Variants in TAFA1 observed in about 807,000 individuals in gnomAD.
The protein encoded by TAFA1 is TAFA chemokine like family member 1.
TAFA1 carries 4 observed loss-of-function variants against 18.5 expected under a neutral mutation model. The ratio of observed to expected loss-of-function variants is 0.22; its 90% CI spans 0.11 to 0.49. TAFA1 has a LOEUF of 0.49. Ranked by LOEUF, TAFA1 falls within the 20% of genes least tolerant of loss-of-function variation. The pLI is 0.98. For synonymous variants in TAFA1, 56 were observed against 55.2 expected (o/e 1.01, Z -0.06); for missense variants, 147 against 169.0 (o/e 0.87, Z 0.72).
intron 2 of TAFA1, among the ~76,000 whole-genome samples, chr3:68,120,164 T>C (rs1286435086): frequency 1.4e-5 from 2 of 139,024 alleles, no homozygotes; most frequent in African/African-American, 3.3e-5. Context: ...TTTCTTTCTC[T>C]TTCTTTCTCT....
chr3:68,262,547 T>C (rs1034016667), intron 2 of TAFA1, among the ~76,000 whole-genome samples: 1 of 151,822 alleles, frequency 6.6e-6, no homozygotes, highest in African/African-American at 2.4e-5. Context: ...GGTATTCTGT[T>C]CCTGGGTTAA....
intron 2 of TAFA1, among the ~76,000 whole-genome samples, chr3:68,408,211 A>C (rs2070649300): frequency 1.3e-5 from 2 of 152,216 alleles, no homozygotes; most frequent in Non-Finnish European, 2.9e-5. Context: ...TGTCCATCTT[A>C]ACTTTCTTTA....
At chr3:68,492,917 G>T (rs923196245) in intron 3 of TAFA1, among the ~76,000 whole-genome samples, 1 of 152,068 alleles carries the variant, frequency 6.6e-6, no homozygotes, top group Admixed American at 6.6e-5. Flanking sequence ...CAGATTTCTT[G>T]GCTCCATCCA....
At chr3:68,443,473 CAAAAAAAAAAAAAAAA>C (rs56944130) in intron 3 of TAFA1, among the ~76,000 whole-genome samples, 1 of 96,102 alleles carries the variant, frequency 1.0e-5, no homozygotes, top group Non-Finnish European at 2.2e-5. Flanking sequence ...GGGCAATTTA[CAAAAAAAAAAAAAAAA>C]AAAAAAACAA....
intron 2 of TAFA1, among the ~76,000 whole-genome samples, chr3:68,038,460 G>A (rs910451619): frequency 6.6e-6 from 1 of 152,122 alleles, no homozygotes; most frequent in African/African-American, 2.4e-5. Flanking sequence ...TGGACAGTAA[G>A]CTGTCTGAGG....
At chr3:68,264,317 G>A (rs994302152) in intron 2 of TAFA1, among the ~76,000 whole-genome samples, 1 of 152,126 alleles carries the variant, frequency 6.6e-6, no homozygotes, top group Non-Finnish European at 1.5e-5. Flanking sequence ...AATAGTTCAG[G>A]TCGTTTGTGG....
At chr3:68,149,494 C>T (rs2065780422) in intron 2 of TAFA1, among the ~76,000 whole-genome samples, 1 of 152,170 alleles carries the variant, frequency 6.6e-6, no homozygotes, top group Non-Finnish European at 1.5e-5. Context: ...GGAGCTTCCA[C>T]TCATGGCTGA....
chr3:68,335,844 G>A (rs535317183), intron 2 of TAFA1, among the ~76,000 whole-genome samples: 34 of 152,260 alleles, frequency 2.2e-4, no homozygotes, highest in African/African-American at 7.2e-4. Flanking sequence ...TATTACTGGT[G>A]ACATAGAAGA....
intron 2 of TAFA1, among the ~76,000 whole-genome samples, chr3:68,260,142 C>T (rs1474292464): frequency 6.6e-6 from 1 of 152,018 alleles, no homozygotes; most frequent in Non-Finnish European, 1.5e-5. Context: ...GAGTTTTTAG[C>T]ATGAAGCGTT....
chr3:68,232,526 G>A (rs755418162), intron 2 of TAFA1, among the ~76,000 whole-genome samples: 1 of 152,206 alleles, frequency 6.6e-6, no homozygotes, highest in South Asian at 2.1e-4. Context: ...TGGGGGTGCA[G>A]ATATTCAGTA....
chr3:68,085,299 GA>G (rs2064957568), intron 2 of TAFA1, among the ~76,000 whole-genome samples: 1 of 152,130 alleles, frequency 6.6e-6, no homozygotes, highest in African/African-American at 2.4e-5. Flanking sequence ...TCTCCAACAG[GA>G]CTTATCAAGG....
rs1473178161 is a variant in TAFA1, at chr3:68,305,097, G to T, written c.119-112183G>T. On this transcript the variant is annotated intron_variant, in intron 2 of 4. Coordinates refer to ENST00000478136, the MANE Select transcript of TAFA1 (RefSeq NM_213609.4). ...TAGAAGCTGGAAGTCTAAAATCAATGTGTCTGCAGTGTCTCTGGGTAGCAT... is the reference window on the plus strand; with the variant it reads ...TAGAAGCTGGAAGTCTAAAATCAATTTGTCTGCAGTGTCTCTGGGTAGCAT... Among the ~76,000 whole-genome samples, 4 of 151,982 alleles carry T rather than the reference G, an allele frequency of 2.6e-5. No homozygotes were observed. The East Asian group carries it at 7.7e-4, about 29-fold the overall frequency.
chr3:68,241,856 G>A (rs887448571), intron 2 of TAFA1, among the ~76,000 whole-genome samples: 14 of 152,164 alleles, frequency 9.2e-5, no homozygotes, highest in Non-Finnish European at 1.9e-4. Context: ...AAAGCCAAAA[G>A]CAGGACTAAC....
chr3:68,521,162 A>G (rs1473846225), intron 3 of TAFA1, among the ~76,000 whole-genome samples: 1 of 152,250 alleles, frequency 6.6e-6, no homozygotes, highest in Non-Finnish European at 1.5e-5. Context: ...CTGTGTAAGT[A>G]GGTGACTTAA....
At chr3:68,436,217 A>G (rs1430983503) in intron 3 of TAFA1, among the ~76,000 whole-genome samples, 1 of 152,210 alleles carries the variant, frequency 6.6e-6, no homozygotes, top group Non-Finnish European at 1.5e-5. Context: ...TCACAACCAG[A>G]TAAAGTGTAA....
At chr3:68,126,683 A>T (rs2065468733) in intron 2 of TAFA1, among the ~76,000 whole-genome samples, 1 of 152,258 alleles carries the variant, frequency 6.6e-6, no homozygotes, top group Admixed American at 6.5e-5. Flanking sequence ...AAAGATGCAC[A>T]GTTAACATTA....
At chr3:68,094,634 C>T (rs894740376) in intron 2 of TAFA1, among the ~76,000 whole-genome samples, 1 of 152,136 alleles carries the variant, frequency 6.6e-6, no homozygotes, top group Non-Finnish European at 1.5e-5. Context: ...AGCCAGTTCT[C>T]ATGGAAGGAT....
intron 2 of TAFA1, among the ~76,000 whole-genome samples, chr3:68,327,665 G>A (rs540134934): frequency 6.6e-6 from 1 of 152,342 alleles, no homozygotes; most frequent in South Asian, 2.1e-4. Context: ...GGCACAAAGT[G>A]AGTACTCAAC....
chr3:68,390,853 G>A (rs1471040195), intron 2 of TAFA1, among the ~76,000 whole-genome samples: 1 of 152,082 alleles, frequency 6.6e-6, no homozygotes, highest in Non-Finnish European at 1.5e-5. Context: ...TGCATCTGAA[G>A]GTCACCAAAA....
Sources: gnomAD v4.1 joint callset for allele counts (sites outside exome capture counted in the v4.1 genomes callset) on GRCh38, gnomAD v4.1.1 for gene constraint, MANE v1.5 for transcripts, NCBI Gene and HGNC (gene_info 2026-07-23, HGNC 2026-07-21) for gene names.